The following OPCML variants were observed in gnomAD, a reference collection of about 807,000 sequenced individuals.
The protein encoded by OPCML is opioid binding protein/cell adhesion molecule like.
Under a neutral mutation model 37.8 loss-of-function variants are expected in OPCML, and 13 were observed. That is an observed-to-expected ratio of 0.34 (90% CI 0.22 to 0.55). The LOEUF (loss-of-function observed/expected upper bound fraction) is 0.55, where lower values mean the gene tolerates loss of function less well. Ranked by LOEUF, OPCML falls within the 20% of genes least tolerant of loss-of-function variation. The pLI, the probability that OPCML is intolerant of heterozygous loss-of-function variation, is 0.91. For synonymous variants in OPCML, 176 were observed against 168.8 expected, an observed-to-expected ratio of 1.04 and a Z score of -0.33; for missense variants, 341 against 435.6, an observed-to-expected ratio of 0.78 and a Z score of 1.93.
chr11:132,526,571 A>G (rs1208284581), intron 4 of OPCML, among the ~76,000 whole-genome samples: 1 of 152,162 alleles, frequency 6.6e-6, no homozygotes, highest in Non-Finnish European at 1.5e-5. Context: ...CAGGAGCAAA[A>G]ATACGTGTTC....
At chr11:133,169,966 T>C (rs1325409007) in intron 1 of OPCML, among the ~76,000 whole-genome samples, 1 of 151,206 alleles carries the variant, frequency 6.6e-6, no homozygotes, top group Admixed American at 6.6e-5. Context: ...AAGAACATTG[T>C]ATGAGTGTTT....
chr11:133,521,668 A>G (rs1948400775), intron 1 of OPCML, among the ~76,000 whole-genome samples: 2 of 152,340 alleles, frequency 1.3e-5, no homozygotes, highest in South Asian at 2.1e-4. Context: ...TCTCTCCTCC[A>G]TGGGATAAAG....
intron 2 of OPCML, among the ~76,000 whole-genome samples, chr11:132,702,330 T>C (rs760070462): frequency 2.0e-5 from 3 of 152,186 alleles, no homozygotes; most frequent in Non-Finnish European, 4.4e-5. Context: ...TGGTATAATA[T>C]TCTTGTTTAA....
chr11:133,106,041 T>C (rs1049252672), intron 1 of OPCML, among the ~76,000 whole-genome samples: 1 of 152,040 alleles, frequency 6.6e-6, no homozygotes, highest in Non-Finnish European at 1.5e-5. Context: ...TGTTCAATGG[T>C]GCCATTTTTA....
intron 3 of OPCML, among the ~76,000 whole-genome samples, chr11:132,536,962 T>C (rs555753081): frequency 6.6e-6 from 1 of 152,344 alleles, no homozygotes; most frequent in Non-Finnish European, 1.5e-5. Context: ...GTTGTTAATT[T>C]GTTTTGGTTA....
intron 1 of OPCML, among the ~76,000 whole-genome samples, chr11:133,203,519 A>G (rs1045624094): frequency 4.6e-5 from 7 of 152,136 alleles, no homozygotes; most frequent in African/African-American, 1.4e-4. Flanking sequence ...TTGACACAGG[A>G]CTTTTCTATC....
intron 1 of OPCML, among the ~76,000 whole-genome samples, chr11:133,328,401 A>G (rs1399983764): frequency 2.6e-5 from 4 of 152,070 alleles, no homozygotes; most frequent in Admixed American, 2.0e-4. Context: ...CAGGTGATCC[A>G]CCTGCCTCGG....
intron 3 of OPCML, among the ~76,000 whole-genome samples, chr11:132,629,201 T>A (rs1939938882): frequency 6.6e-6 from 1 of 152,112 alleles, no homozygotes; most frequent in Non-Finnish European, 1.5e-5. Context: ...GCTGTGCCCC[T>A]GTTTCCAAGA....
intron 1 of OPCML, among the ~76,000 whole-genome samples, chr11:133,078,648 A>G (rs534414084): frequency 1.2e-4 from 19 of 152,266 alleles, no homozygotes; most frequent in African/African-American, 4.6e-4. Context: ...GGGCGCAGAC[A>G]ACCCTGGAAA....
At chr11:133,334,828 G>C (rs140831314) in intron 1 of OPCML, among the ~76,000 whole-genome samples, 3 of 152,104 alleles carry the variant, frequency 2.0e-5, no homozygotes, top group Non-Finnish European at 4.4e-5. Flanking sequence ...CCATGGGAGA[G>C]GGTTTGTAGA....
chr11:132,741,769 G>A (rs971851874), intron 2 of OPCML, among the ~76,000 whole-genome samples: 1 of 152,128 alleles, frequency 6.6e-6, no homozygotes, highest in Non-Finnish European at 1.5e-5. Flanking sequence ...GCTCATGCAT[G>A]TAATCCCAGC....
intron 1 of OPCML, among the ~76,000 whole-genome samples, chr11:133,277,766 G>T (rs1048905576): frequency 1.3e-5 from 2 of 151,822 alleles, no homozygotes; most frequent in Non-Finnish European, 2.9e-5. Context: ...AATAACAGGT[G>T]CTTAAATATA....
intron 1 of OPCML, among the ~76,000 whole-genome samples, chr11:132,968,422 G>A (rs1420385269): frequency 6.6e-6 from 1 of 152,134 alleles, no homozygotes. Context: ...AATGGAAAGG[G>A]GCCTGAGCAT....
rs547826362 is a variant in OPCML, at chr11:132,570,804, T to G, written c.380-41618A>C. On this transcript the variant is annotated intron_variant, in intron 3 of 7. Transcript: ENST00000524381. ...ATATATATATATATATATATATATT[T>G]AGAGAGAGAGAGAGAGGATATATAC... Among the ~76,000 whole-genome samples, 799 of 90,522 alleles carry G rather than the reference T, an allele frequency of 8.8e-3. 5 individuals are homozygous for G. The highest frequency in any genetic ancestry group is 0.012 in the African/African-American group (240 of 20,016). 59.4% of individuals were successfully genotyped at this position (90,522 alleles called of 152,430 possible).
chr11:133,012,226 C>T, intron 1 of OPCML, among the ~76,000 whole-genome samples: 1 of 152,118 alleles, frequency 6.6e-6, no homozygotes, highest in Non-Finnish European at 1.5e-5. Context: ...CAGCCTTCCT[C>T]AACAAAGAAT....
chr11:133,109,790 C>T (rs760899632), intron 1 of OPCML, among the ~76,000 whole-genome samples: 18 of 152,062 alleles, frequency 1.2e-4, no homozygotes, highest in Non-Finnish European at 2.6e-4. Context: ...GAAGATCAGA[C>T]CTAGAAAGGG....
At position 132,664,542 on chromosome 11, in the gene OPCML, T is replaced by C. The variant is rs114498035; in HGVS notation, c.147-7223A>G. ...AACCTGACTATGTATCCAAATATAT[T>C]AATAATGCCAGTCCAAAAACTGGGA... On this transcript the variant is annotated intron_variant, in intron 2 of 7. Coordinates refer to ENST00000524381, the MANE Select transcript of OPCML (RefSeq NM_001012393.5). Among the ~76,000 whole-genome samples the C allele has an allele frequency of 4.0e-3, 610 of 152,328 alleles. 4 individuals carry two copies. The highest frequency in any genetic ancestry group is 0.014 in the African/African-American group (577 of 41,578).
chr11:132,760,919 T>C (rs913744811), intron 2 of OPCML, among the ~76,000 whole-genome samples: 1 of 152,224 alleles, frequency 6.6e-6, no homozygotes, highest in Non-Finnish European at 1.5e-5. Context: ...TTTGGTATGT[T>C]TGTGCAGTGG....
intron 1 of OPCML, among the ~76,000 whole-genome samples, chr11:133,209,501 C>A (rs553689094): frequency 1.3e-5 from 2 of 152,254 alleles, no homozygotes; most frequent in African/African-American, 4.8e-5. Flanking sequence ...TTTGAGTTTG[C>A]GAGACAACCT....
Sources: allele counts gnomAD v4.1 joint callset (sites outside exome capture counted in the v4.1 genomes callset), GRCh38; gene constraint gnomAD v4.1.1; transcripts MANE v1.5; gene names NCBI Gene and HGNC (gene_info 2026-07-23, HGNC 2026-07-21).